Variants in TOP1MT observed in about 807,000 individuals in gnomAD.
TOP1MT encodes DNA topoisomerase I mitochondrial.
In TOP1MT, 80 loss-of-function variants were observed where a neutral mutation model predicts 73.9. The ratio of observed to expected loss-of-function variants is 1.08; its 90% confidence interval spans 0.90 to 1.30. The LOEUF is 1.30. Among genes scored for constraint, TOP1MT ranks in the 50% most tolerant of loss-of-function variants. The probability of loss-of-function intolerance (pLI) is 0.00; values close to 1 mark genes in which losing one functional copy is unlikely to be tolerated. For synonymous variants in TOP1MT, 338 were observed against 326.4 expected, an observed-to-expected ratio of 1.04 and a Z score of -0.38; for missense variants, 815 against 808.0, an observed-to-expected ratio of 1.01 and a Z score of -0.10.
chr8:143,328,136 A>ATT (rs1430779435), intron 3 of TOP1MT: 7 of 427,790 alleles, frequency 1.6e-5, no homozygotes, highest in Non-Finnish European at 2.8e-5. Context: ...ACCATGAAAG[A>ATT]TTTTTGCAAA....
chr8:143,323,474 C>A (rs1195368854), intron 7 of TOP1MT, among the ~76,000 whole-genome samples: 1 of 125,094 alleles, frequency 8.0e-6, no homozygotes, highest in African/African-American at 3.5e-5. Context: ...ATGCTCACCA[C>A]ACACGCACGC....
chr8:143,328,486 G>A (rs940380810), intron 3 of TOP1MT, among the ~76,000 whole-genome samples: 2 of 152,234 alleles, frequency 1.3e-5, no homozygotes, highest in South Asian at 4.1e-4. Flanking sequence ...CCACACCCAC[G>A]GCGAGGTGTC....
chr8:143,326,474 C>T, intron 3 of TOP1MT, 130 bp from the exon 4 acceptor site: 2 of 1,241,040 alleles, frequency 1.6e-6, no homozygotes, highest in Non-Finnish European at 2.3e-6. Context: ...ATAGGCAGAA[C>T]CTGCGCACGG....
upstream of TOP1MT, chr8:143,334,962 C>T: frequency 8.5e-7 from 1 of 1,182,700 alleles, no homozygotes; most frequent in Non-Finnish European, 1.0e-6. Context: ...CGGCCTCCGC[C>T]CCCAGCGGCG....
At chr8:143,332,909 G>A (rs1047276181) in intron 1 of TOP1MT, among the ~76,000 whole-genome samples, 9 of 152,180 alleles carry the variant, frequency 5.9e-5, no homozygotes, top group African/African-American at 2.2e-4. Flanking sequence ...TCGGGGAGAG[G>A]GGGGTTCTGC....
chr8:143,322,466 GGCAC>G (rs1816473793), intron 7 of TOP1MT, among the ~76,000 whole-genome samples: 1 of 45,248 alleles, frequency 2.2e-5, no homozygotes. Context: ...ATGCCACACA[GGCAC>G]GCCACACAGG....
intron 10 of TOP1MT, among the ~76,000 whole-genome samples, 170 bp from the exon 11 acceptor site, chr8:143,316,296 G>A (rs1212118061): frequency 2.6e-5 from 4 of 152,326 alleles, no homozygotes; most frequent in Middle Eastern, 3.4e-3. Context: ...AGGTGGCCTC[G>A]AGAGCAGGGC....
intron 2 of TOP1MT, among the ~76,000 whole-genome samples, chr8:143,330,722 G>A (rs898053750): frequency 2.6e-5 from 4 of 152,188 alleles, no homozygotes; most frequent in South Asian, 4.1e-4. Flanking sequence ...CTGGGGTAGA[G>A]AGGAGGGCTC....
At chr8:143,315,338 G>A (rs1816127540) in intron 12 of TOP1MT, among the ~76,000 whole-genome samples, 1 of 152,194 alleles carries the variant, frequency 6.6e-6, no homozygotes, top group Non-Finnish European at 1.5e-5. Flanking sequence ...CTGATATGCA[G>A]AAATAATGGC....
intron 7 of TOP1MT, 104 bp downstream of exon 7, chr8:143,323,895 C>G: frequency 2.2e-6 from 3 of 1,335,980 alleles, no homozygotes; most frequent in Non-Finnish European, 3.1e-6. Context: ...AATGAGGTTC[C>G]ACCCCACACA....
chr8:143,333,042 G>A (rs1816902334), intron 1 of TOP1MT, among the ~76,000 whole-genome samples: 1 of 152,236 alleles, frequency 6.6e-6, no homozygotes, highest in East Asian at 1.9e-4. Context: ...GTAGGAGGCT[G>A]CACCACTAAG....
upstream of TOP1MT, among the ~76,000 whole-genome samples, chr8:143,336,262 G>A (rs1168979149): frequency 6.6e-6 from 1 of 152,140 alleles, no homozygotes; most frequent in Admixed American, 6.5e-5. Flanking sequence ...CAAAGTGCTG[G>A]GATTTCAGGT....
At chr8:143,317,226 G>A (rs889165366) in intron 10 of TOP1MT, among the ~76,000 whole-genome samples, 1 of 152,182 alleles carries the variant, frequency 6.6e-6, no homozygotes, top group African/African-American at 2.4e-5. Flanking sequence ...GCAGCGCCAG[G>A]GACAGAGGGA....
In TOP1MT at chr8:143,316,067, T is replaced by C; in HGVS notation, c.1390A>G (p.Ile464Val). The change falls in exon 11 of 14, where the codon ATT becomes GTT. Residue 464 changes from isoleucine (I) to valine (V), a missense_variant. Ile to Val is a conservative substitution (Grantham distance 29, BLOSUM62 3). Coordinates refer to ENST00000329245, the MANE Select transcript of TOP1MT (RefSeq NM_052963.3). Reference protein sequence around the residue: ...SYNRANRVVAILCNHQRATPS... With the variant: ...SYNRANRVVAVLCNHQRATPS... ...GTTGCTCGCTGATGGTTGCAGAGAA[T>C]GGCCACGACTCGGTTGGCTCGGTTG... 7 of 1,613,856 alleles carry C rather than the reference T, an allele frequency of 4.3e-6. No homozygotes were observed. The highest frequency in any genetic ancestry group is 5.9e-6 in the Non-Finnish European group (7 of 1,179,872).
chr8:143,318,824 C>T (rs977079884), intron 8 of TOP1MT, among the ~76,000 whole-genome samples: 4 of 152,216 alleles, frequency 2.6e-5, no homozygotes, highest in African/African-American at 9.6e-5. Context: ...CGGGACATGG[C>T]GGGAAGCCCC....
At chr8:143,336,282 T>C (rs973913521), upstream of TOP1MT, among the ~76,000 whole-genome samples, 1 of 152,198 alleles carries the variant, frequency 6.6e-6, no homozygotes, top group Non-Finnish European at 1.5e-5. Flanking sequence ...TGTGAGCCGA[T>C]GCCCAGTTGG....
At chr8:143,313,548 A>C (rs1451480437) in intron 12 of TOP1MT, among the ~76,000 whole-genome samples, 2 of 114,690 alleles carry the variant, frequency 1.7e-5, no homozygotes, top group African/African-American at 6.6e-5. Flanking sequence ...AGACTCCATC[A>C]CCAAAAAAAA....
intron 7 of TOP1MT, among the ~76,000 whole-genome samples, chr8:143,322,677 ACGC>A (rs1173767539): frequency 1.7e-4 from 17 of 101,622 alleles, no homozygotes; most frequent in African/African-American, 2.5e-4. Context: ...CCACACACGC[ACGC>A]CACACACGCA....
At chr8:143,328,020 C>T (rs549272285) in intron 3 of TOP1MT, among the ~76,000 whole-genome samples, 1 of 152,342 alleles carries the variant, frequency 6.6e-6, no homozygotes, top group East Asian at 1.9e-4. Context: ...GACAAAACAA[C>T]AAAAGCAAAC....
Sources: gnomAD v4.1 joint callset for allele counts (sites outside exome capture counted in the v4.1 genomes callset) on GRCh38, gnomAD v4.1.1 for gene constraint, MANE v1.5 for transcripts, NCBI Gene and HGNC (gene_info 2026-07-23, HGNC 2026-07-21) for gene names.